The following NPAS2 variants were observed in gnomAD, a reference collection of about 807,000 sequenced individuals.
The protein encoded by NPAS2 is neuronal PAS domain protein 2.
In NPAS2, 23 loss-of-function variants were observed where a neutral mutation model predicts 107.5. The observed-to-expected ratio is 0.21, with a 90% CI of 0.15 to 0.30. The LOEUF (loss-of-function observed/expected upper bound fraction) is 0.30, where lower values mean the gene tolerates loss of function less well. Among genes scored for constraint, NPAS2 ranks in the 10% least tolerant of loss-of-function variants. NPAS2 has a pLI of 1.00. For synonymous variants in NPAS2, 403 were observed against 417.5 expected, an observed-to-expected ratio of 0.97 and a Z score of 0.42; for missense variants, 756 against 1,043.3, an observed-to-expected ratio of 0.72 and a Z score of 3.79.
chr2:100,967,188 T>G (rs188367263), intron 10 of NPAS2, among the ~76,000 whole-genome samples: 1 of 151,410 alleles, frequency 6.6e-6, no homozygotes, highest in African/African-American at 2.4e-5. Flanking sequence ...ACCCTCAATC[T>G]GCTGGGCTTA....
intron 5 of NPAS2, among the ~76,000 whole-genome samples, chr2:100,942,339 C>T (rs1674623429): frequency 6.6e-6 from 1 of 152,144 alleles, no homozygotes; most frequent in Admixed American, 6.5e-5. Flanking sequence ...AGCCATGAGA[C>T]ACCTTTTCAG....
chr2:100,926,051 T>C (rs1351494162), intron 3 of NPAS2, among the ~76,000 whole-genome samples: 1 of 152,220 alleles, frequency 6.6e-6, no homozygotes, highest in Non-Finnish European at 1.5e-5. Context: ...ATGTGGTCTT[T>C]TTGTATCTGG....
chr2:100,832,897 G>A (rs1243111607), intron 1 of NPAS2, among the ~76,000 whole-genome samples: 3 of 152,158 alleles, frequency 2.0e-5, no homozygotes, highest in Non-Finnish European at 4.4e-5. Context: ...ATGTGTCTAA[G>A]CACATATCTC....
chr2:100,916,319 C>G (rs1248901954), intron 2 of NPAS2, among the ~76,000 whole-genome samples: 1 of 151,976 alleles, frequency 6.6e-6, no homozygotes, highest in Non-Finnish European at 1.5e-5. Flanking sequence ...TGATTTTTTT[C>G]AGTAACCTAA....
rs139457221 is a variant in NPAS2, at chr2:100,973,382, C to T, written c.1141-1421C>T. ...TGTCAAATGGGCATCAAGGTTCCTC[C>T]GGGCTTATTCTCGCTTCCTGGACCG... is the stretch of plus-strand genomic sequence containing the variant. On this transcript the variant is annotated intron_variant, in intron 12 of 20. Transcript: ENST00000335681. Among the ~76,000 whole-genome samples, 6 of 152,274 alleles carry T rather than the reference C, an allele frequency of 3.9e-5. No individual in the cohort carries two copies. The East Asian group carries it at 5.8e-4, about 15-fold the overall frequency.
rs116466505 is a variant in NPAS2, at chr2:100,942,368, T to C, written c.363+4526T>C. Among the ~76,000 whole-genome samples, 712 of 151,116 alleles carry C rather than the reference T, an allele frequency of 4.7e-3. 7 individuals carry two copies. The highest frequency in any genetic ancestry group is 0.016 in the African/African-American group (657 of 41,278). ...TTTTCAGGAAGCATCCCTCTGCCCT[T>C]CCCACCCCACCCTGCCCTCACCTGC... On this transcript the variant is annotated intron_variant, in intron 5 of 20. Transcript: ENST00000335681.
At chr2:100,925,670 T>C (rs1424420110) in intron 3 of NPAS2, among the ~76,000 whole-genome samples, 2 of 152,254 alleles carry the variant, frequency 1.3e-5, no homozygotes, top group Non-Finnish European at 2.9e-5. Context: ...GATCAGACTA[T>C]GTGGGCCTTT....
At chr2:100,949,089 C>T (rs182375811) in intron 6 of NPAS2, among the ~76,000 whole-genome samples, 3 of 152,256 alleles carry the variant, frequency 2.0e-5, no homozygotes, top group Admixed American at 6.5e-5. Context: ...TGAAAACAGC[C>T]GGAACTAATC....
intron 1 of NPAS2, among the ~76,000 whole-genome samples, chr2:100,872,817 C>T (rs1679660924): frequency 1.3e-5 from 2 of 152,104 alleles, no homozygotes; most frequent in Admixed American, 6.5e-5. Context: ...CATCCACCTC[C>T]AGGAAGTCCT....
intron 2 of NPAS2, among the ~76,000 whole-genome samples, chr2:100,915,206 T>G (rs1006233666): frequency 2.6e-5 from 4 of 151,838 alleles, no homozygotes; most frequent in African/African-American, 9.7e-5. Context: ...GGAACCTCTC[T>G]CCAGACAGAG....
rs1008785235 is a variant in NPAS2 at position 100,971,944 on chromosome 2, T to C, written c.1140+870T>C. 7.5e-4 allele frequency among the ~76,000 whole-genome samples: 100 copies of C among 133,872 alleles called. 1 individual carries two copies. The highest frequency in any genetic ancestry group is 2.6e-3 in the African/African-American group (84 of 32,538). 87.8% of individuals were successfully genotyped at this position (133,872 alleles called of 152,430 possible). The stretch of plus-strand genomic sequence containing the variant: ...ACTGGAAGATCCATATGAATTTTTC[T>C]TTTTTTTTTTTTTTTGAGACAAAGT... On this transcript the variant is annotated intron_variant, in intron 12 of 20. Coordinates refer to ENST00000335681, the MANE Select transcript of NPAS2 (RefSeq NM_002518.4).
chr2:100,960,957 G>A (rs771938657), intron 7 of NPAS2, among the ~76,000 whole-genome samples: 7 of 152,238 alleles, frequency 4.6e-5, no homozygotes, highest in East Asian at 1.9e-4. Flanking sequence ...TTTAGCTTTC[G>A]GCAAGAGTAA....
chr2:100,871,584 T>C (rs1679591706), intron 1 of NPAS2, among the ~76,000 whole-genome samples: 2 of 151,930 alleles, frequency 1.3e-5, no homozygotes, highest in Admixed American at 6.6e-5. Flanking sequence ...GCCCGCCTTA[T>C]CCTCCCAAAG....
At position 100,991,118 on chromosome 2, in the gene NPAS2, G is replaced by A. The variant is rs1006503975; in HGVS notation, c.2111+246G>A. 7.9e-5 allele frequency among the ~76,000 whole-genome samples: 12 copies of A among 152,234 alleles called. No homozygotes were observed. The East Asian group carries it at 1.2e-3, about 15-fold the overall frequency. On this transcript the variant is annotated intron_variant, in intron 19 of 20. Coordinates refer to ENST00000335681, the MANE Select transcript of NPAS2 (RefSeq NM_002518.4). Reference sequence around the variant, plus strand: ...TGAATGAAACAATTCACACCCCACCGTTTGCCATCATCTTCCGACTTCCTT... The same window carrying A: ...TGAATGAAACAATTCACACCCCACCATTTGCCATCATCTTCCGACTTCCTT...
At chr2:100,877,129 G>T (rs1202989143) in intron 1 of NPAS2, among the ~76,000 whole-genome samples, 1 of 152,204 alleles carries the variant, frequency 6.6e-6, no homozygotes, top group Non-Finnish European at 1.5e-5. Context: ...TGCTGAGGCA[G>T]TCAGGGCAGT....
intron 1 of NPAS2, among the ~76,000 whole-genome samples, chr2:100,890,063 G>C (rs1216076241): frequency 6.6e-6 from 1 of 152,102 alleles, no homozygotes; most frequent in East Asian, 1.9e-4. Flanking sequence ...TGGTTCATTG[G>C]GAGTGAAATG....
chr2:100,847,547 T>C (rs930980608), intron 1 of NPAS2, among the ~76,000 whole-genome samples: 1 of 152,136 alleles, frequency 6.6e-6, no homozygotes, highest in Non-Finnish European at 1.5e-5. Context: ...TTTTTTTGTA[T>C]TTTTAGTAGA....
At chr2:100,819,943 G>T (rs1324583275), upstream of NPAS2, among the ~76,000 whole-genome samples, 5 of 151,926 alleles carry the variant, frequency 3.3e-5, no homozygotes, top group African/African-American at 1.2e-4. This position sits in a 1 kb window ranked among gnomAD's most constrained non-coding sequence, Gnocchi z 5.8. Flanking sequence ...CTAGGGGGCC[G>T]GGGGTCCGTC....
rs150888887 is a variant in NPAS2 at position 100,965,163 on chromosome 2, C to T, written c.800+220C>T. On this transcript the variant is annotated intron_variant, in intron 9 of 20. Transcript: ENST00000335681. The surrounding 1 kb of genome is among the most constrained non-coding windows in gnomAD (Gnocchi z 4.3). The stretch of plus-strand genomic sequence containing the variant: ...GTGTTTGGGTCTGATGGCTCAGCCC[C>T]GGGCCATCTTTGGGATGATCCTCAC... Among the ~76,000 whole-genome samples the T allele has an allele frequency of 2.0e-5, 3 of 152,294 alleles. No homozygotes were observed. Among genetic ancestry groups the T allele is most frequent in the East Asian group, 3.9e-4 (2 of 5,168 alleles).
Sources: allele counts gnomAD v4.1 joint callset (sites outside exome capture counted in the v4.1 genomes callset), GRCh38; gene constraint gnomAD v4.1.1; non-coding constraint Gnocchi (gnomAD v3.1); transcripts MANE v1.5; gene names NCBI Gene and HGNC (gene_info 2026-07-23, HGNC 2026-07-21).